USP34: variants seen among roughly 807,000 people sequenced by gnomAD.
USP34 encodes ubiquitin specific peptidase 34.
A neutral mutation model predicts 460.3 loss-of-function variants in USP34; 70 were observed. The observed-to-expected ratio is 0.15, with a 90% confidence interval of 0.13 to 0.19. The LOEUF (loss-of-function observed/expected upper bound fraction) is 0.19. Ranked by LOEUF, USP34 falls within the 10% of genes least tolerant of loss-of-function variation. The pLI is 1.00. For missense variants in USP34, 3,985 were observed against 4,236.2 expected, an observed-to-expected ratio of 0.94 and a Z score of 1.65; for synonymous variants, 1,647 against 1,405.3, an observed-to-expected ratio of 1.17 and a Z score of -3.85.
chr2:61,245,086 G>A, intron 51 of USP34, 124 bp downstream of exon 51: 1 of 623,000 alleles, frequency 1.6e-6, no homozygotes, highest in Non-Finnish European at 2.7e-6. Flanking sequence ...AATATAAACT[G>A]AATAAATTTT....
chr2:61,322,838 A>G (rs1023997367), intron 21 of USP34, among the ~76,000 whole-genome samples: 2 of 152,218 alleles, frequency 1.3e-5, no homozygotes, highest in African/African-American at 4.8e-5. Context: ...GAACTTAAAC[A>G]CATTAATTAA....
intron 57 of USP34, 122 bp downstream of exon 57, chr2:61,235,723 G>T: frequency 1.2e-6 from 1 of 835,632 alleles, no homozygotes; most frequent in Non-Finnish European, 1.8e-6. Context: ...ATGATTTTAA[G>T]AATGACTTCC....
chr2:61,238,411 C>T (rs1319825612), intron 53 of USP34, among the ~76,000 whole-genome samples: 4 of 152,190 alleles, frequency 2.6e-5, no homozygotes, highest in African/African-American at 9.7e-5. Flanking sequence ...TTAAGGTTAA[C>T]TTCCTGAAGC....
At position 61,204,344 on chromosome 2, in the gene USP34, A is replaced by G. The variant is rs374340072; in HGVS notation, c.9296T>C (p.Ile3099Thr). 5.7e-5 allele frequency: 92 copies of G among 1,614,206 alleles called. No homozygotes were observed. The Middle Eastern group carries it at 3.5e-3, about 61-fold the overall frequency. ...LGPYFPCREN[I>T]KLIGGKSNIR... ...ATTGCTTTTCCCTCCTATTAGCTTG[A>G]TATTTTCTCGACAAGGGAAATAAGG... Residue 3099 changes from isoleucine to threonine, a missense_variant, in exon 74 of 80, where the codon ATC becomes ACC. Transcript: ENST00000398571.
intron 1 of USP34, among the ~76,000 whole-genome samples, chr2:61,439,583 C>G (rs997434494): frequency 6.6e-6 from 1 of 152,186 alleles, no homozygotes; most frequent in African/African-American, 2.4e-5. Flanking sequence ...TCACCACAAG[C>G]AGCTGTGGGT....
At chr2:61,432,852 A>C (rs1000575014) in intron 1 of USP34, among the ~76,000 whole-genome samples, 24 of 152,156 alleles carry the variant, frequency 1.6e-4, no homozygotes, top group Non-Finnish European at 3.1e-4. Context: ...AAAACTTTCT[A>C]CAATGACCAG....
intron 1 of USP34, 106 bp downstream of exon 1, chr2:61,470,544 G>C (rs993569457): frequency 7.3e-6 from 5 of 682,082 alleles, no homozygotes; most frequent in South Asian, 7.0e-5. Flanking sequence ...CACGCCGCCC[G>C]GCCCGGCCGT....
chr2:61,431,463 G>A (rs896705224), intron 1 of USP34, among the ~76,000 whole-genome samples: 2 of 152,190 alleles, frequency 1.3e-5, no homozygotes, highest in African/African-American at 4.8e-5. Context: ...CTGGCCTCAA[G>A]TGATCCTTCT....
At chr2:61,357,957 A>C (rs1442046102) in intron 10 of USP34, among the ~76,000 whole-genome samples, 1 of 152,088 alleles carries the variant, frequency 6.6e-6, no homozygotes, top group African/African-American at 2.4e-5. Context: ...TTGGGAGGCC[A>C]AGGCAGGTGG....
At chr2:61,438,721 C>A (rs1033234644) in intron 1 of USP34, among the ~76,000 whole-genome samples, 1 of 152,136 alleles carries the variant, frequency 6.6e-6, no homozygotes, top group Non-Finnish European at 1.5e-5. Flanking sequence ...TCTTACTCAA[C>A]AAGAGAAAGA....
chr2:61,409,149 G>A (rs1158358311), intron 2 of USP34, among the ~76,000 whole-genome samples: 1 of 152,142 alleles, frequency 6.6e-6, no homozygotes, highest in Non-Finnish European at 1.5e-5. Flanking sequence ...GAACTCGGGA[G>A]GTGGAAGGTG....
At chr2:61,377,628 A>G (rs1465605247) in intron 8 of USP34, among the ~76,000 whole-genome samples, 1 of 152,100 alleles carries the variant, frequency 6.6e-6, no homozygotes, top group Non-Finnish European at 1.5e-5. Flanking sequence ...TACAGTCCAG[A>G]AGAAGGACCC....
At chr2:61,425,113 A>T (rs543649798) in intron 1 of USP34, among the ~76,000 whole-genome samples, 134 of 152,210 alleles carry the variant, frequency 8.8e-4, no homozygotes, top group African/African-American at 3.0e-3. Flanking sequence ...CCCAGCTGCC[A>T]CTGATTTTTT....
intron 70 of USP34, chr2:61,208,143 T>C (rs1487224069): frequency 6.6e-6 from 1 of 152,220 alleles, no homozygotes; most frequent in Admixed American, 6.5e-5. Flanking sequence ...TGGGAACCGC[T>C]CAGGGCAAAT....
chr2:61,357,562 G>A (rs757583770), intron 10 of USP34, among the ~76,000 whole-genome samples: 2 of 151,998 alleles, frequency 1.3e-5, no homozygotes, highest in Non-Finnish European at 2.9e-5. Context: ...GCTAGTAGAA[G>A]GAAGAAAATG....
At chr2:61,357,737 C>T (rs558866299) in intron 10 of USP34, among the ~76,000 whole-genome samples, 1 of 152,254 alleles carries the variant, frequency 6.6e-6, no homozygotes, top group East Asian at 1.9e-4. Flanking sequence ...CCTTTCTCTA[C>T]AAAAAATATT....
At chr2:61,409,465 G>T (rs1693976583) in intron 2 of USP34, among the ~76,000 whole-genome samples, 1 of 152,046 alleles carries the variant, frequency 6.6e-6, no homozygotes, top group Non-Finnish European at 1.5e-5. Flanking sequence ...TGTAACCCCA[G>T]CACTTTGGGA....
Position 61,388,208 on chromosome 2 carries a change from G to A in USP34, c.754-4872C>T, listed in dbSNP as rs367663203. Among the ~76,000 whole-genome samples, 28 of 152,040 alleles carry A rather than the reference G, an allele frequency of 1.8e-4. 1 individual carries two copies. The highest frequency in any genetic ancestry group is 9.7e-4 in the East Asian group (5 of 5,170). ...CAACGAATTGAGATCACCCCAATGC[G>A]CTCTGGCCTGGGTGACAAGAGTAAG... On this transcript the variant is annotated intron_variant, in intron 5 of 79. Coordinates refer to ENST00000398571, the MANE Select transcript of USP34 (RefSeq NM_014709.4).
intron 1 of USP34, among the ~76,000 whole-genome samples, chr2:61,469,114 G>A (rs1206382496): frequency 6.6e-6 from 1 of 152,128 alleles, no homozygotes; most frequent in African/African-American, 2.4e-5. Context: ...GGCTGAGGCA[G>A]GAGAATCGCT....
Sources: gnomAD v4.1 joint callset for allele counts (sites outside exome capture counted in the v4.1 genomes callset) on GRCh38, gnomAD v4.1.1 for gene constraint, MANE v1.5 for transcripts, NCBI Gene and HGNC (gene_info 2026-07-23, HGNC 2026-07-21) for gene names.